TLL2: variants seen among roughly 807,000 people sequenced by gnomAD.
The protein encoded by TLL2 is tolloid-like protein 2.
TLL2 carries 106 observed loss-of-function variants against 123.0 expected under a neutral mutation model. That is an observed-to-expected ratio of 0.86 (90% confidence interval 0.74 to 1.01). TLL2 has a LOEUF of 1.01. Ranked by LOEUF, TLL2 falls within the 50% of genes least tolerant of loss-of-function variation. TLL2 has a pLI of 0.00. For synonymous variants in TLL2, 494 were observed against 516.8 expected (o/e 0.96, Z 0.60); for missense variants, 1,332 against 1,336.7 (o/e 1.00, Z 0.06).
chr10:96,372,809 G>A (rs1051100115), intron 19 of TLL2, among the ~76,000 whole-genome samples: 5 of 151,846 alleles, frequency 3.3e-5, no homozygotes, highest in Non-Finnish European at 5.9e-5. Context: ...CTCCTGCTTC[G>A]GCCTCCAGGG....
Position 96,413,332 on chromosome 10 carries a change from A to G in TLL2, c.924-16T>C. 1 of 1,609,142 alleles carries G rather than the reference A, an allele frequency of 6.2e-7. No homozygotes were observed. The highest frequency in any genetic ancestry group is 8.5e-7 in the Non-Finnish European group (1 of 1,175,980). On this transcript the variant is annotated splice_polypyrimidine_tract_variant and intron_variant, in intron 7 of 20. Coordinates refer to ENST00000357947, the MANE Select transcript of TLL2 (RefSeq NM_012465.4). ...GAAAACTCCTCTACAGGAAGGAAAA[A>G]AGACAGAAAAAGAAAAGTCAAGGCC... is the stretch of plus-strand genomic sequence containing the variant.
At chr10:96,440,182 T>C (rs1846837475) in intron 3 of TLL2, among the ~76,000 whole-genome samples, 1 of 152,242 alleles carries the variant, frequency 6.6e-6, no homozygotes. Context: ...AACTACAAAT[T>C]GCATCAAGAT....
chr10:96,387,486 T>G (rs1413243214), intron 13 of TLL2, among the ~76,000 whole-genome samples: 1 of 152,132 alleles, frequency 6.6e-6, no homozygotes, highest in African/African-American at 2.4e-5. Flanking sequence ...AGATATTAAA[T>G]AAAGGGTGAA....
intron 1 of TLL2, among the ~76,000 whole-genome samples, chr10:96,494,641 C>G (rs1202836393): frequency 6.6e-6 from 1 of 152,248 alleles, no homozygotes; most frequent in Non-Finnish European, 1.5e-5. Flanking sequence ...AAATATTCTG[C>G]AGTGGCTCTG....
chr10:96,428,023 G>A (rs1244091066), intron 5 of TLL2, among the ~76,000 whole-genome samples: 2 of 152,082 alleles, frequency 1.3e-5, no homozygotes, highest in Admixed American at 6.5e-5. Context: ...TGGAACTCCC[G>A]ACCTAAGGTG....
At position 96,401,566 on chromosome 10, in the gene TLL2, A is replaced by G. The variant is rs1425475004; in HGVS notation, c.1267+3666T>C. Among the ~76,000 whole-genome samples the G allele has an allele frequency of 2.0e-5, 3 of 152,162 alleles. No individual in the cohort carries two copies. In the East Asian group the frequency reaches 5.8e-4, roughly 29 times the overall value. On this transcript the variant is annotated intron_variant, in intron 10 of 20. Coordinates refer to ENST00000357947, the MANE Select transcript of TLL2 (RefSeq NM_012465.4). ...AAGTGGGTAAAATATGAGCCAAAAA[A>G]AAAAAACCTCAAAACAAAAAACAAA...
intron 10 of TLL2, among the ~76,000 whole-genome samples, chr10:96,402,310 T>C (rs867226674): frequency 4.6e-5 from 7 of 152,212 alleles, no homozygotes; most frequent in Admixed American, 6.5e-5. Flanking sequence ...CCTTTCTACA[T>C]TTGTGGTACT....
intron 1 of TLL2, among the ~76,000 whole-genome samples, chr10:96,495,266 G>A (rs551142159): frequency 2.6e-5 from 4 of 152,240 alleles, no homozygotes; most frequent in East Asian, 1.9e-4. Context: ...GGCGGGGAGC[G>A]TTACAGGGAA....
intron 1 of TLL2, among the ~76,000 whole-genome samples, chr10:96,509,198 G>C (rs1052761110): frequency 1.3e-5 from 2 of 152,176 alleles, no homozygotes; most frequent in Admixed American, 1.3e-4. Context: ...AGTCACCCCA[G>C]CCTGTAAGTC....
chr10:96,410,467 C>T lies in TLL2; in HGVS notation c.1056G>A (p.Gly352=). 1 of 1,613,730 alleles carries T rather than the reference C, an allele frequency of 6.2e-7. No individual in the cohort carries two copies. The highest frequency in any genetic ancestry group is 1.1e-5 in the South Asian group (1 of 90,994). Residue 352 remains glycine (G), a synonymous_variant, in exon 9 of 21, where the codon GGG becomes GGA. Coordinates refer to ENST00000357947, the MANE Select transcript of TLL2 (RefSeq NM_012465.4). ...TTCCCGTTGTGTCCTGCAGGGTCTCCCCACACGCTGCACAAGCAAAATCAC... is the reference window on the plus strand; with the variant it reads ...TTCCCGTTGTGTCCTGCAGGGTCTCTCCACACGCTGCACAAGCAAAATCAC... ...ARKLYKCPAC[G]ETLQDTTGNF...
At chr10:96,489,448 G>C (rs1250207476) in intron 1 of TLL2, among the ~76,000 whole-genome samples, 1 of 152,138 alleles carries the variant, frequency 6.6e-6, no homozygotes, top group African/African-American at 2.4e-5. Flanking sequence ...AGGATCACTT[G>C]AATCCGGGAG....
At chr10:96,435,362 C>A (rs1210258391) in intron 3 of TLL2, among the ~76,000 whole-genome samples, 1 of 152,130 alleles carries the variant, frequency 6.6e-6, no homozygotes, top group Non-Finnish European at 1.5e-5. Flanking sequence ...ATTCTAAATA[C>A]CAGGCTCTTG....
At chr10:96,433,034 A>G (rs908153229) in intron 3 of TLL2, 72 bp from the exon 4 acceptor site, 5 of 1,556,850 alleles carry the variant, frequency 3.2e-6, no homozygotes, top group South Asian at 1.2e-5. Flanking sequence ...AGGTTGTATT[A>G]TCCACAATTC....
chr10:96,401,223 T>C (rs1009624526), intron 10 of TLL2, among the ~76,000 whole-genome samples: 2 of 152,190 alleles, frequency 1.3e-5, no homozygotes, highest in African/African-American at 4.8e-5. Flanking sequence ...TTTCACACAC[T>C]GCCCTGGGAA....
intron 2 of TLL2, among the ~76,000 whole-genome samples, chr10:96,459,669 CAAAA>C (rs1165594084): frequency 0.011 from 267 of 24,314 alleles, 4 homozygotes; most frequent in Middle Eastern, 0.042. Flanking sequence ...GATCCTGTTT[CAAAA>C]AAAAAAAAAA....
chr10:96,508,617 A>C (rs765024094), intron 1 of TLL2, among the ~76,000 whole-genome samples: 28 of 152,072 alleles, frequency 1.8e-4, no homozygotes, highest in Non-Finnish European at 3.4e-4. Context: ...CCAAAATGCT[A>C]TACAGCATTT....
intron 14 of TLL2, among the ~76,000 whole-genome samples, chr10:96,386,479 C>T (rs1846235689): frequency 6.6e-6 from 1 of 152,308 alleles, no homozygotes; most frequent in East Asian, 1.9e-4. Context: ...GAGCTGGGGG[C>T]TCCCTATGGC....
At chr10:96,415,597 C>T (rs924146400) in intron 7 of TLL2, among the ~76,000 whole-genome samples, 2 of 151,060 alleles carry the variant, frequency 1.3e-5, no homozygotes, top group Non-Finnish European at 2.9e-5. Context: ...AAAAATGCTT[C>T]TTGAATTAAA....
chr10:96,401,482 C>T lies in TLL2; in HGVS notation c.1267+3750G>A, dbSNP rs538159830. ...AAGGAGAACTGCAAATGAAGAATGA[C>T]GGTTACAGGCGCTGGCACTCTACAC... On this transcript the variant is annotated intron_variant, in intron 10 of 20. Transcript: ENST00000357947. 9.0e-4 allele frequency among the ~76,000 whole-genome samples: 134 copies of T among 149,262 alleles called. No individual in the cohort carries two copies. The Middle Eastern group carries it at 0.01, about 11-fold the overall frequency.
Sources: allele counts gnomAD v4.1 joint callset (sites outside exome capture counted in the v4.1 genomes callset), GRCh38; gene constraint gnomAD v4.1.1; transcripts MANE v1.5; gene names NCBI Gene and HGNC (gene_info 2026-07-23, HGNC 2026-07-21).